Variants in PAN3 observed in about 807,000 individuals in gnomAD.
The protein encoded by PAN3 is poly(A) specific ribonuclease subunit PAN3.
PAN3 carries 19 observed loss-of-function variants against 96.2 expected under a neutral mutation model. That is an observed-to-expected ratio of 0.20 (90% CI 0.14 to 0.29). The LOEUF (loss-of-function observed/expected upper bound fraction) is 0.29, where lower values mean the gene tolerates loss of function less well. Ranked by LOEUF, PAN3 falls within the 10% of genes least tolerant of loss-of-function variation. The pLI is 1.00. For synonymous variants in PAN3, 433 were observed against 406.6 expected, an observed-to-expected ratio of 1.06 and a Z score of -0.78; for missense variants, 882 against 1,108.1, an observed-to-expected ratio of 0.80 and a Z score of 2.90.
chr13:28,204,842 A>G (rs1879158264), intron 5 of PAN3, among the ~76,000 whole-genome samples: 1 of 152,238 alleles, frequency 6.6e-6, no homozygotes, highest in African/African-American at 2.4e-5. Flanking sequence ...GTTGTGAATC[A>G]TAAGTTATAA....
In PAN3 at chr13:28,138,764, TC is replaced by T; in HGVS notation, c.111del (p.Gly38AlafsTer5). 4 of 1,335,192 alleles carry T rather than the reference TC, an allele frequency of 3.0e-6. No individual in the cohort carries two copies. The highest frequency in any genetic ancestry group is 1.9e-5 in the South Asian group (1 of 53,804). 82.7% of individuals were successfully genotyped at this position (1,335,192 alleles called of 1,614,324 possible). Reference protein sequence around the residue: ...AVVAPPGVGGVPGGAAVGVKL... With the variant: ...AVVAPPGVGGXPGGAAVGVKL... ...GTGGCCCCGCCGGGGGTCGGGGGTG[TC>T]CCCGGCGGGGCGGCGGTAGGAGTGA... On this transcript the variant is annotated frameshift_variant, in exon 1 of 19. Coordinates refer to ENST00000380958, the MANE Select transcript of PAN3 (RefSeq NM_175854.8). LOFTEE classifies it high-confidence loss of function.
chr13:28,266,459 T>G (rs1886184600), intron 9 of PAN3, among the ~76,000 whole-genome samples: 1 of 152,224 alleles, frequency 6.6e-6, no homozygotes, highest in Non-Finnish European at 1.5e-5. Flanking sequence ...AAATTTGTAT[T>G]GTGCTATAAA....
intron 6 of PAN3, among the ~76,000 whole-genome samples, chr13:28,221,070 A>G (rs972668832): frequency 2.6e-5 from 4 of 152,168 alleles, no homozygotes; most frequent in Non-Finnish European, 5.9e-5. Context: ...GATTCTTTGC[A>G]GTCTTCATTT....
chr13:28,265,393 G>A (rs189852784), intron 9 of PAN3, among the ~76,000 whole-genome samples: 1 of 152,168 alleles, frequency 6.6e-6, no homozygotes, highest in African/African-American at 2.4e-5. Flanking sequence ...AGTAGAACAT[G>A]CCACTTGGTG....
At chr13:28,161,203 G>A (rs539462944) in intron 1 of PAN3, among the ~76,000 whole-genome samples, 97 of 152,012 alleles carry the variant, frequency 6.4e-4, no homozygotes, top group African/African-American at 2.2e-3. Context: ...TTTCGGGGGC[G>A]GGGAGCTTAC....
At chr13:28,172,224 G>A (rs1410684158) in intron 1 of PAN3, among the ~76,000 whole-genome samples, 2 of 152,194 alleles carry the variant, frequency 1.3e-5, no homozygotes, top group Admixed American at 6.5e-5. Flanking sequence ...GGGAGGCCGA[G>A]GCGGGTGGAT....
At chr13:28,164,174 A>G (rs1391372338) in intron 1 of PAN3, among the ~76,000 whole-genome samples, 1 of 152,222 alleles carries the variant, frequency 6.6e-6, no homozygotes, top group Non-Finnish European at 1.5e-5. Context: ...GTTATTTTTA[A>G]TAACTGTATA....
intron 6 of PAN3, among the ~76,000 whole-genome samples, chr13:28,238,408 CA>C (rs1883294405): frequency 1.3e-5 from 2 of 152,032 alleles, no homozygotes; most frequent in African/African-American, 4.8e-5. Flanking sequence ...AGGAACCAAA[CA>C]AAAAAGACAC....
At chr13:28,260,885 A>G (rs1885660139) in intron 8 of PAN3, among the ~76,000 whole-genome samples, 1 of 152,218 alleles carries the variant, frequency 6.6e-6, no homozygotes, top group Admixed American at 6.5e-5. Flanking sequence ...TGTAGGTTAA[A>G]AATAAGTAGT....
intron 4 of PAN3, among the ~76,000 whole-genome samples, chr13:28,179,669 A>G (rs1023295679): frequency 6.6e-6 from 1 of 151,436 alleles, no homozygotes; most frequent in Middle Eastern, 3.4e-3. Flanking sequence ...ATGCCACTGC[A>G]CTCCAGTCTG....
chr13:28,237,073 T>C (rs1883184463), intron 6 of PAN3, among the ~76,000 whole-genome samples: 1 of 152,186 alleles, frequency 6.6e-6, no homozygotes, highest in African/African-American at 2.4e-5. Flanking sequence ...TTTTTATCTT[T>C]TCAAATATTT....
At chr13:28,151,618 C>T (rs2137971360) in intron 1 of PAN3, among the ~76,000 whole-genome samples, 1 of 152,212 alleles carries the variant, frequency 6.6e-6, no homozygotes, top group South Asian at 2.1e-4. Flanking sequence ...AGGCAGGTTA[C>T]AGCATTGAAA....
At chr13:28,174,470 C>T (rs74790022) in intron 2 of PAN3, 77 bp downstream of exon 2, 84 of 1,469,144 alleles carry the variant, frequency 5.7e-5, no homozygotes, top group South Asian at 1.3e-5. Context: ...TTCATTTATT[C>T]CTACATTTGT....
At chr13:28,214,144 A>G (rs565132955) in intron 5 of PAN3, among the ~76,000 whole-genome samples, 31 of 152,320 alleles carry the variant, frequency 2.0e-4, no homozygotes, top group African/African-American at 7.5e-4. Context: ...TACTAACTTA[A>G]AAAGGTTATA....
chr13:28,205,127 C>A, intron 5 of PAN3, among the ~76,000 whole-genome samples: 1 of 151,890 alleles, frequency 6.6e-6, no homozygotes, highest in African/African-American at 2.4e-5. Flanking sequence ...GTTGGAAACT[C>A]ACTAGATTTA....
intron 6 of PAN3, among the ~76,000 whole-genome samples, chr13:28,222,244 A>AG (rs1465357847): frequency 6.6e-6 from 1 of 152,154 alleles, no homozygotes; most frequent in African/African-American, 2.4e-5. Context: ...GCTTATTTGG[A>AG]GGTAGGTATA....
intron 5 of PAN3, among the ~76,000 whole-genome samples, chr13:28,206,718 T>C (rs1879410355): frequency 6.6e-6 from 1 of 151,092 alleles, no homozygotes; most frequent in Non-Finnish European, 1.5e-5. Context: ...TTTTCTTAGC[T>C]CTTAGATTGT....
intron 13 of PAN3, 104 bp from the exon 14 acceptor site, chr13:28,271,877 C>G: frequency 1.4e-6 from 1 of 711,890 alleles, no homozygotes; most frequent in Non-Finnish European, 2.2e-6. Context: ...AAACTCAATT[C>G]TGAGATCCTT....
At chr13:28,282,093 A>G (rs567562469) in intron 17 of PAN3, among the ~76,000 whole-genome samples, 10 of 152,242 alleles carry the variant, frequency 6.6e-5, no homozygotes, top group Admixed American at 6.5e-4. Context: ...TACTTTTTAT[A>G]GCCATCATAT....
Sources: gnomAD v4.1 joint callset for allele counts (sites outside exome capture counted in the v4.1 genomes callset) on GRCh38, gnomAD v4.1.1 for gene constraint, MANE v1.5 for transcripts, NCBI Gene and HGNC (gene_info 2026-07-23, HGNC 2026-07-21) for gene names.